The following DHRS1 variants were observed in gnomAD, a reference collection of about 807,000 sequenced individuals.
DHRS1 encodes the protein dehydrogenase/reductase SDR family member 1.
A neutral mutation model predicts 35.2 loss-of-function variants in DHRS1; 34 were observed. That is an observed-to-expected ratio of 0.97 (90% CI 0.74 to 1.29). DHRS1 has a LOEUF of 1.29. DHRS1 is among the 50% of genes most tolerant of loss of function. The probability of loss-of-function intolerance (pLI) is 0.00; values close to 1 mark genes in which losing one functional copy is unlikely to be tolerated. For synonymous variants in DHRS1, 133 were observed against 160.0 expected (o/e 0.83, Z 1.27); for missense variants, 354 against 403.6 (o/e 0.88, Z 1.05).
At chr14:24,298,075 G>T (rs371887890) in intron 2 of DHRS1, among the ~76,000 whole-genome samples, 38 of 151,950 alleles carry the variant, frequency 2.5e-4, no homozygotes, top group East Asian at 1.5e-3. Flanking sequence ...TAGAGACAGG[G>T]TCTCACTGTC....
Position 24,298,911 on chromosome 14 carries a change from T to C in DHRS1, c.150+46A>G, listed in dbSNP as rs1466439906. The C allele has an allele frequency of 2.6e-6, 4 of 1,562,432 alleles. No homozygotes were observed. The East Asian group carries it at 9.1e-5, about 36-fold the overall frequency. On this transcript the variant is annotated intron_variant, in intron 2 of 8. Transcript: ENST00000288111. ...GAAAGGAGCTGTTAAGTGGAAGGGC[T>C]CTCTCGGGTGGTTTCTGCAACTGTG...
chr14:24,296,236 C>G (rs917200696), intron 4 of DHRS1, among the ~76,000 whole-genome samples: 1 of 152,198 alleles, frequency 6.6e-6, no homozygotes, highest in Non-Finnish European at 1.5e-5. Flanking sequence ...AGGCTTCCTC[C>G]CTTCTGGGTC....
intron 8 of DHRS1, 68 bp downstream of exon 8, chr14:24,291,071 C>T (rs59742678): frequency 1.7e-5 from 28 of 1,612,858 alleles, no homozygotes; most frequent in African/African-American, 1.3e-4. Flanking sequence ...CTGGAGAGAC[C>T]GAGGGAGGAG....
intron 7 of DHRS1, 77 bp downstream of exon 7, chr14:24,291,479 C>A (rs1417467249): frequency 2.0e-6 from 3 of 1,485,838 alleles, no homozygotes; most frequent in Non-Finnish European, 2.8e-6. Context: ...ACTCCCGAGC[C>A]AGATCTGGGC....
chr14:24,291,053 C>T, intron 8 of DHRS1, 58 bp from the exon 9 acceptor site: 1 of 1,613,294 alleles, frequency 6.2e-7, no homozygotes, highest in Non-Finnish European at 8.5e-7. Flanking sequence ...CAGATACCCT[C>T]ACCTTGGCTG....
Position 24,292,275 on chromosome 14 carries a change from C to A in DHRS1, c.563G>T (p.Cys188Phe). Residue 188 changes from cysteine (C) to phenylalanine (F), a missense_variant, in exon 6 of 9, where the codon TGT (cysteine) becomes TTT (phenylalanine). Physicochemically the swap from Cys to Phe is radical, Grantham distance 205. Coordinates refer to ENST00000288111, the MANE Select transcript of DHRS1 (RefSeq NM_001136050.3). The stretch of plus-strand genomic sequence containing the variant: ...CACAATCCCCGGCCACAGAGACACA[C>A]AGCTGACCCCATGGCGCCGCAGCTC... Reference protein sequence around the residue: ...AHELRRHGVSCVSLWPGIVQT... With the variant: ...AHELRRHGVSFVSLWPGIVQT... The A allele has an allele frequency of 6.2e-7, 1 of 1,614,182 alleles. No homozygotes were observed. Among genetic ancestry groups the A allele is most frequent in the Admixed American group, 1.7e-5 (1 of 60,014 alleles).
chr14:24,296,581 A>C lies in DHRS1; in HGVS notation c.302T>G (p.Leu101Arg). The C allele has an allele frequency of 1.2e-6, 2 of 1,614,142 alleles. No homozygotes were observed. Among genetic ancestry groups the C allele is most frequent in the Non-Finnish European group, 8.5e-7 (1 of 1,180,026 alleles). ...CCAGAATGCCTTATTCCTGGTGTTC[A>C]GGATCGTCTGGAAGGCACAGGGAGG... ...NNAYAGVQTI[L>R]NTRNKAFWET... Residue 101 changes from leucine to arginine, a missense_variant, in exon 4 of 9, where the codon CTG becomes CGG. By Grantham distance (102) the Leu-to-Arg change is moderately radical. Transcript: ENST00000288111.
Position 24,291,184 on chromosome 14 carries a change from G to A in DHRS1, c.760C>T (p.Pro254Ser). ...TAGCGTCGAGCAAGGTCACAGGATG[G>A]CAGCACCTTACCACTCAGGCTCAGG... ...NILSLSGKVL[P>S]SCDLARRYGL... Residue 254 changes from proline (P) to serine (S), a missense_variant, in exon 8 of 9, where the codon CCA becomes TCA. Coordinates refer to ENST00000288111, the MANE Select transcript of DHRS1 (RefSeq NM_001136050.3). The A allele has an allele frequency of 6.2e-7, 1 of 1,614,138 alleles. No individual in the cohort carries two copies. The highest frequency in any genetic ancestry group is 8.5e-7 in the Non-Finnish European group (1 of 1,180,022).
chr14:24,291,123 G>A lies in DHRS1; in HGVS notation c.805+16C>T, dbSNP rs1226961138. On this transcript the variant is annotated intron_variant, in intron 8 of 8. Transcript: ENST00000288111. ...GGAACAGCAGTCAAGGCTGACTGCT[G>A]TGCCAGGGTCCTCACCGTCCACATC... 6.8e-6 allele frequency: 11 copies of A among 1,613,958 alleles called. No individual in the cohort carries two copies. Among genetic ancestry groups the A allele is most frequent in the Non-Finnish European group, 2.5e-6 (3 of 1,179,996 alleles).
At chr14:24,291,970 A>G in intron 6 of DHRS1, 1 of 653,998 alleles carries the variant, frequency 1.5e-6, no homozygotes, top group Non-Finnish European at 2.6e-6. Flanking sequence ...GTGACCTTCA[A>G]CAAGTTTCTA....
At chr14:24,291,423 C>T in intron 7 of DHRS1, 133 bp downstream of exon 7, 3 of 1,139,216 alleles carry the variant, frequency 2.6e-6, no homozygotes, top group South Asian at 1.2e-5. Context: ...ATGCTGACCC[C>T]TTGGGCCTCA....
rs1348952361 is a variant in DHRS1 at position 24,291,863 on chromosome 14, G to A, written c.655-238C>T. ...CTGTCTTTGCTAAGTGGAAGGATCT[G>A]GTAGTGCCAAATAGTGTTTGGACCT... On this transcript the variant is annotated intron_variant, in intron 6 of 8. Coordinates refer to ENST00000288111, the MANE Select transcript of DHRS1 (RefSeq NM_001136050.3). 4 of 611,056 alleles carry A rather than the reference G, an allele frequency of 6.5e-6. No homozygotes were observed. In the African/African-American group the frequency reaches 7.4e-5, roughly 11 times the overall value. 37.9% of individuals were successfully genotyped at this position (611,056 alleles called of 1,614,324 possible).
chr14:24,295,146 C>A (rs555070061), intron 4 of DHRS1, among the ~76,000 whole-genome samples: 4 of 152,248 alleles, frequency 2.6e-5, no homozygotes, highest in African/African-American at 4.8e-5. Flanking sequence ...AATGATCATA[C>A]ATCCTCCCAA....
chr14:24,298,252 A>G (rs887193207), intron 2 of DHRS1, among the ~76,000 whole-genome samples: 1 of 152,144 alleles, frequency 6.6e-6, no homozygotes. Flanking sequence ...GGGTCTAGCT[A>G]TGTTGCCCAG....
intron 6 of DHRS1, chr14:24,291,859 A>T: frequency 1.6e-6 from 1 of 612,314 alleles, no homozygotes. Flanking sequence ...AAGTGGAAGG[A>T]TCTGGTAGTG....
At position 24,292,345 on chromosome 14, in the gene DHRS1, A is replaced by G. The variant is rs565061676; in HGVS notation, c.508-15T>C. 6.2e-7 allele frequency: 1 copy of G among 1,613,430 alleles called. No homozygotes were observed. ...AGCTTGTCACACTGTGGAGAGGCGG[A>G]AGGCAGGGTAAGAGCCACCTAGCCA... On this transcript the variant is annotated splice_polypyrimidine_tract_variant and intron_variant, in intron 5 of 8. Coordinates refer to ENST00000288111, the MANE Select transcript of DHRS1 (RefSeq NM_001136050.3).
intron 1 of DHRS1, 125 bp from the exon 2 acceptor site, chr14:24,299,255 G>A (rs1378121351): frequency 1.2e-5 from 11 of 921,386 alleles, no homozygotes; most frequent in Non-Finnish European, 1.4e-5. Context: ...ATCCTTTGAG[G>A]GGAGAGGAGT....
At chr14:24,292,387 T>G (rs1447262197) in intron 5 of DHRS1, 57 bp from the exon 6 acceptor site, 4 of 1,603,868 alleles carry the variant, frequency 2.5e-6, no homozygotes. Context: ...TTTCCTGCCC[T>G]GCCCTCTCTG....
chr14:24,293,486 A>C (rs2041197109), intron 4 of DHRS1: 1 of 152,210 alleles, frequency 6.6e-6, no homozygotes. Flanking sequence ...AGGCAGGAGG[A>C]TCTCTTGAGC....
Sources: gnomAD v4.1 joint callset for allele counts (sites outside exome capture counted in the v4.1 genomes callset) on GRCh38, gnomAD v4.1.1 for gene constraint, MANE v1.5 for transcripts, NCBI Gene and HGNC (gene_info 2026-07-23, HGNC 2026-07-21) for gene names.